KHDRBS2: variants seen among roughly 807,000 people sequenced by gnomAD.
The protein encoded by KHDRBS2 is KH domain-containing, RNA-binding, signal transduction-associated protein 2.
Under a neutral mutation model 44.3 loss-of-function variants are expected in KHDRBS2, and 26 were observed. The ratio of observed to expected loss-of-function variants is 0.59; its 90% confidence interval spans 0.43 to 0.81. The LOEUF is 0.81. Among genes scored for constraint, KHDRBS2 ranks in the 40% least tolerant of loss-of-function variants. The pLI is 0.00. For missense variants in KHDRBS2, 476 were observed against 433.1 expected (o/e 1.10, Z -0.88); for synonymous variants, 194 against 151.1 (o/e 1.28, Z -2.08).
intron 6 of KHDRBS2, among the ~76,000 whole-genome samples, chr6:61,777,294 T>C (rs2127579858): frequency 6.6e-6 from 1 of 152,076 alleles, no homozygotes; most frequent in African/African-American, 2.4e-5. Context: ...ATAATAATAA[T>C]AAAATATAAA....
At position 61,755,199 on chromosome 6, in the gene KHDRBS2, T is replaced by C. The variant is rs376804821; in HGVS notation, c.811-22435A>G. Among the ~76,000 whole-genome samples the C allele has an allele frequency of 1.4e-3, 208 of 152,266 alleles. 2 individuals carry two copies. Among genetic ancestry groups the C allele is most frequent in the African/African-American group, 4.8e-3 (199 of 41,566 alleles). On this transcript the variant is annotated intron_variant, in intron 6 of 8. Coordinates refer to ENST00000281156, the MANE Select transcript of KHDRBS2 (RefSeq NM_152688.4). ...GCATCTTTAGGGATTACCTATAAAG[T>C]ATTTTTAAAAGAATTATTTAATAGA...
chr6:61,966,980 T>C (rs1267403853), intron 4 of KHDRBS2, among the ~76,000 whole-genome samples: 2 of 151,924 alleles, frequency 1.3e-5, no homozygotes, highest in African/African-American at 4.8e-5. Context: ...CTAATTATGT[T>C]TAATAAATGA....
At chr6:62,185,469 G>T (rs1823231420) in intron 1 of KHDRBS2, among the ~76,000 whole-genome samples, 1 of 151,908 alleles carries the variant, frequency 6.6e-6, no homozygotes, top group Non-Finnish European at 1.5e-5. Context: ...TTTAAGGGAT[G>T]GAAAGTTGTT....
intron 1 of KHDRBS2, among the ~76,000 whole-genome samples, chr6:62,266,563 G>C (rs1272537619): frequency 6.6e-6 from 1 of 151,810 alleles, no homozygotes; most frequent in African/African-American, 2.4e-5. Flanking sequence ...TTTTTTGCAG[G>C]TCTAGTTTCC....
intron 4 of KHDRBS2, among the ~76,000 whole-genome samples, chr6:61,977,054 G>A (rs1583912396): frequency 6.6e-6 from 1 of 152,214 alleles, no homozygotes; most frequent in East Asian, 1.9e-4. Context: ...AATAGATTAT[G>A]TGACTAGATC....
chr6:61,563,790 G>A, the KHDRBS2 span, among the ~76,000 whole-genome samples: 1 of 152,068 alleles, frequency 6.6e-6, no homozygotes, highest in Non-Finnish European at 1.5e-5. Flanking sequence ...ATTATACAGC[G>A]ACGTTAGAGC....
Position 61,773,564 on chromosome 6 carries a change from T to A in KHDRBS2, c.811-40800A>T, listed in dbSNP as rs1313116565. Among the ~76,000 whole-genome samples the A allele has an allele frequency of 1.6e-3, 244 of 149,692 alleles. 1 individual carries two copies. The highest frequency in any genetic ancestry group is 2.9e-3 in the Non-Finnish European group (192 of 67,252). On this transcript the variant is annotated intron_variant, in intron 6 of 8. Transcript: ENST00000281156. ...ATTAGCCCTTTGTCAGAAGAGTAGG[T>A]TGCAAAAATTTTCTCCCATTTTGTA...
chr6:62,244,021 G>A (rs759846882), intron 1 of KHDRBS2, among the ~76,000 whole-genome samples: 16 of 151,892 alleles, frequency 1.1e-4, no homozygotes, highest in South Asian at 8.3e-4. Context: ...TCTATGAATC[G>A]TATTTCTAAT....
At chr6:61,769,780 A>C (rs1457129505) in intron 6 of KHDRBS2, among the ~76,000 whole-genome samples, 1 of 152,236 alleles carries the variant, frequency 6.6e-6, no homozygotes, top group Non-Finnish European at 1.5e-5. Flanking sequence ...ACAAACAAAA[A>C]GACAGCAGTA....
chr6:61,551,616 G>A, the KHDRBS2 span, among the ~76,000 whole-genome samples: 3 of 152,120 alleles, frequency 2.0e-5, no homozygotes, highest in Non-Finnish European at 2.9e-5. Context: ...TTATAGAATA[G>A]GGAATCCTTT....
At chr6:61,837,499 A>G (rs1792882520) in intron 6 of KHDRBS2, among the ~76,000 whole-genome samples, 1 of 152,016 alleles carries the variant, frequency 6.6e-6, no homozygotes, top group Non-Finnish European at 1.5e-5. Flanking sequence ...CTTTATTGTA[A>G]GACAATGTTC....
chr6:61,904,459 A>G (rs1804602090), intron 4 of KHDRBS2, among the ~76,000 whole-genome samples: 1 of 152,218 alleles, frequency 6.6e-6, no homozygotes, highest in South Asian at 2.1e-4. Flanking sequence ...ACTTTGAGAA[A>G]TAAATCACCT....
intron 6 of KHDRBS2, among the ~76,000 whole-genome samples, chr6:61,879,825 T>G (rs1178351998): frequency 2.0e-5 from 3 of 151,832 alleles, no homozygotes; most frequent in Admixed American, 6.6e-5. Flanking sequence ...CATCTTTATC[T>G]TCTCATAATA....
chr6:62,247,377 G>A (rs484578), intron 1 of KHDRBS2, among the ~76,000 whole-genome samples: 151,761 of 151,762 alleles, frequency 1, 75,880 homozygotes, highest in Non-Finnish European at 1. Flanking sequence ...CGCCAGCCTA[G>A]CACCAAAGAG....
chr6:61,623,114 A>C, the KHDRBS2 span, among the ~76,000 whole-genome samples: 1 of 152,096 alleles, frequency 6.6e-6, no homozygotes, highest in East Asian at 2.0e-4. Flanking sequence ...TTACATTTAC[A>C]AACAGAAGAA....
intron 4 of KHDRBS2, among the ~76,000 whole-genome samples, chr6:61,949,472 C>A (rs1346180453): frequency 6.6e-6 from 1 of 152,014 alleles, no homozygotes; most frequent in Non-Finnish European, 1.5e-5. Flanking sequence ...ACATATTTCA[C>A]AATTATATGG....
intron 4 of KHDRBS2, among the ~76,000 whole-genome samples, chr6:61,939,779 A>C (rs545145378): frequency 1.3e-5 from 2 of 152,220 alleles, no homozygotes. Context: ...ACCAAAGTAC[A>C]TACTGGTTCA....
At chr6:61,643,978 A>G in the KHDRBS2 span, among the ~76,000 whole-genome samples, 1 of 152,314 alleles carries the variant, frequency 6.6e-6, no homozygotes, top group Non-Finnish European at 1.5e-5. Context: ...TGGAACCAAA[A>G]TAGAGCCCAA....
the KHDRBS2 span, among the ~76,000 whole-genome samples, chr6:61,559,477 T>C: frequency 0.21 from 32,064 of 151,936 alleles, 3,619 homozygotes; most frequent in East Asian, 0.29. Context: ...TTTCTGGTTA[T>C]TTTGTGGTCT....
Sources: gnomAD v4.1 joint callset for allele counts (sites outside exome capture counted in the v4.1 genomes callset) on GRCh38, gnomAD v4.1.1 for gene constraint, MANE v1.5 for transcripts, NCBI Gene and HGNC (gene_info 2026-07-23, HGNC 2026-07-21) for gene names.